Variants in MEIS2 observed in about 807,000 individuals in gnomAD.
MEIS2 encodes the protein Meis homeobox 2.
Under a neutral mutation model 58.6 loss-of-function variants are expected in MEIS2, and 9 were observed. The ratio of observed to expected loss-of-function variants is 0.15; its 90% CI spans 0.09 to 0.27. MEIS2 has a LOEUF of 0.27. MEIS2 is among the 10% of genes least tolerant of loss of function. MEIS2 has a pLI of 1.00. For synonymous variants in MEIS2, 221 were observed against 228.4 expected (o/e 0.97, Z 0.29); for missense variants, 427 against 635.0 (o/e 0.67, Z 3.52).
At chr15:36,988,996 T>C (rs1458674841) in intron 8 of MEIS2, among the ~76,000 whole-genome samples, 3 of 152,220 alleles carry the variant, frequency 2.0e-5, no homozygotes, top group Admixed American at 6.5e-5. Flanking sequence ...TTTGTAGATA[T>C]TGAGATCCAC....
chr15:37,082,453 C>T (rs751629122), intron 7 of MEIS2, among the ~76,000 whole-genome samples: 1 of 152,056 alleles, frequency 6.6e-6, no homozygotes, highest in Non-Finnish European at 1.5e-5. Flanking sequence ...CAGATTTAAC[C>T]ATGCTGAGAA....
chr15:36,926,472 G>T (rs760179258), intron 9 of MEIS2, among the ~76,000 whole-genome samples: 1 of 152,096 alleles, frequency 6.6e-6, no homozygotes, highest in Non-Finnish European at 1.5e-5. Flanking sequence ...AATAAAATAC[G>T]TCTGCATTAA....
intron 7 of MEIS2, among the ~76,000 whole-genome samples, chr15:37,038,791 C>T (rs1282717030): frequency 6.6e-6 from 1 of 152,228 alleles, no homozygotes; most frequent in African/African-American, 2.4e-5. Context: ...TCCCTGCACA[C>T]CCATGTACAC....
At chr15:36,941,283 AT>A (rs2058365850) in intron 9 of MEIS2, among the ~76,000 whole-genome samples, 1 of 152,176 alleles carries the variant, frequency 6.6e-6, no homozygotes, top group South Asian at 2.1e-4. Context: ...CATGGTGCTA[AT>A]TTCTACAACC....
intron 7 of MEIS2, among the ~76,000 whole-genome samples, chr15:37,061,278 C>T (rs970439369): frequency 5.3e-5 from 8 of 152,148 alleles, no homozygotes; most frequent in African/African-American, 1.9e-4. Context: ...GATTGGGATG[C>T]CTTCTTGAAA....
At chr15:36,992,602 G>A (rs139473275) in intron 8 of MEIS2, among the ~76,000 whole-genome samples, 29 of 152,206 alleles carry the variant, frequency 1.9e-4, no homozygotes, top group Middle Eastern at 3.4e-3. Context: ...GGCCCACATG[G>A]TTCTCTCATC....
At chr15:37,043,061 A>C (rs1467121933) in intron 7 of MEIS2, among the ~76,000 whole-genome samples, 3 of 152,252 alleles carry the variant, frequency 2.0e-5, no homozygotes, top group Non-Finnish European at 1.5e-5. Flanking sequence ...ACTGTCAAAC[A>C]AACACCTAAA....
At chr15:36,956,506 T>C (rs1477725825) in intron 8 of MEIS2, among the ~76,000 whole-genome samples, 3 of 152,190 alleles carry the variant, frequency 2.0e-5, no homozygotes, top group Non-Finnish European at 4.4e-5. Flanking sequence ...ACACAGATAA[T>C]CATGCTGTTT....
chr15:36,995,006 G>A (rs1479052626), intron 8 of MEIS2, among the ~76,000 whole-genome samples: 1 of 152,096 alleles, frequency 6.6e-6, no homozygotes, highest in African/African-American at 2.4e-5. Flanking sequence ...CAATTTCAAT[G>A]CATTATCTCG....
intron 7 of MEIS2, among the ~76,000 whole-genome samples, chr15:37,068,680 T>C (rs1274919977): frequency 1.3e-5 from 2 of 152,154 alleles, no homozygotes; most frequent in East Asian, 3.9e-4. Context: ...AAGTGTACCA[T>C]AAAAACTAAG....
intron 8 of MEIS2, among the ~76,000 whole-genome samples, chr15:37,022,566 A>G (rs1401321571): frequency 2.6e-5 from 4 of 150,986 alleles, no homozygotes; most frequent in Non-Finnish European, 5.9e-5. Flanking sequence ...AACATTTTTT[A>G]AATGCTTACC....
chr15:36,903,206 C>T (rs2056565775), intron 9 of MEIS2, among the ~76,000 whole-genome samples: 1 of 152,106 alleles, frequency 6.6e-6, no homozygotes, highest in South Asian at 2.1e-4. Context: ...AACATCCCAG[C>T]AGGTTACGAT....
At chr15:36,907,712 A>C (rs1245658868) in intron 9 of MEIS2, among the ~76,000 whole-genome samples, 2 of 152,214 alleles carry the variant, frequency 1.3e-5, no homozygotes, top group Non-Finnish European at 2.9e-5. Flanking sequence ...AGCACTTTTA[A>C]AGGGAACCAT....
rs978057843 is a variant in MEIS2, at chr15:37,078,635, C to G, written c.754+5136G>C. 4.1e-5 allele frequency among the ~76,000 whole-genome samples: 3 copies of G among 73,416 alleles called. No homozygotes were observed. The East Asian group carries it at 1.5e-3, about 36-fold the overall frequency. The allele number at this position is 73,416 out of a possible 152,430, so 48.2% of individuals were successfully genotyped here. A position where few individuals can be genotyped will look rare whatever the true frequency, so the allele number is the denominator to read the frequency against. On this transcript the variant is annotated intron_variant, in intron 7 of 11. Transcript: ENST00000561208. ...AAAAAAAAAAAAAAAAAAAAAAACA[C>G]CAAAAAAGAAAACTCATTTTCTACC...
At chr15:37,088,906 GC>G (rs1172789985) in intron 6 of MEIS2, among the ~76,000 whole-genome samples, 1 of 152,058 alleles carries the variant, frequency 6.6e-6, no homozygotes, top group Non-Finnish European at 1.5e-5. Flanking sequence ...ATTAAAGAAT[GC>G]CAATTTTCAA....
chr15:37,021,811 G>A (rs2061535308), intron 8 of MEIS2, among the ~76,000 whole-genome samples: 1 of 151,890 alleles, frequency 6.6e-6, no homozygotes, highest in African/African-American at 2.4e-5. Flanking sequence ...CCCTACCCAA[G>A]GATAATCATT....
intron 8 of MEIS2, among the ~76,000 whole-genome samples, chr15:37,009,364 A>G (rs10518924): frequency 0.14 from 20,775 of 152,268 alleles, 2,072 homozygotes; most frequent in Admixed American, 0.34. Flanking sequence ...TCTCATCTTC[A>G]CATTAATACA....
chr15:37,022,500 C>T (rs549439604), intron 8 of MEIS2, among the ~76,000 whole-genome samples: 9 of 152,258 alleles, frequency 5.9e-5, no homozygotes, highest in Admixed American at 1.3e-4. Context: ...CCTCCCACCT[C>T]TGTCTCCCAA....
At chr15:37,085,016 A>G (rs150741520) in intron 6 of MEIS2, among the ~76,000 whole-genome samples, 3 of 152,324 alleles carry the variant, frequency 2.0e-5, no homozygotes, top group East Asian at 1.9e-4. Flanking sequence ...AAAACCAATC[A>G]AAGTATACAA....
Sources: gnomAD v4.1 joint callset for allele counts (sites outside exome capture counted in the v4.1 genomes callset) on GRCh38, gnomAD v4.1.1 for gene constraint, MANE v1.5 for transcripts, NCBI Gene and HGNC (gene_info 2026-07-23, HGNC 2026-07-21) for gene names.